KIF26B: variants seen among roughly 807,000 people sequenced by gnomAD.
KIF26B encodes the protein kinesin family member 26B, also known as kinesin-like protein KIF26B.
A neutral mutation model predicts 151.2 loss-of-function variants in KIF26B; 63 were observed. The ratio of observed to expected loss-of-function variants is 0.42; its 90% CI spans 0.34 to 0.51. The LOEUF is 0.51. Among genes scored for constraint, KIF26B ranks in the 20% least tolerant of loss-of-function variants. The pLI is 0.07. For missense variants in KIF26B, 2,813 were observed against 2,913.6 expected (o/e 0.97, Z 0.79); for synonymous variants, 1,357 against 1,262.1 (o/e 1.08, Z -1.59).
At chr1:245,175,981 TATATAGATATAGATATATAG>T (rs1451398602) in intron 2 of KIF26B, among the ~76,000 whole-genome samples, 2 of 148,592 alleles carry the variant, frequency 1.3e-5, no homozygotes, top group Admixed American at 6.7e-5. Flanking sequence ...GACATCTATA[TATATAGATATAGATATATAG>T]ATATAGATAT....
intron 9 of KIF26B, among the ~76,000 whole-genome samples, chr1:245,640,792 G>GA (rs1293390543): frequency 2.6e-5 from 4 of 151,804 alleles, no homozygotes; most frequent in East Asian, 1.9e-4. Context: ...GAAACAAAAA[G>GA]AAAAAAACAC....
intron 4 of KIF26B, among the ~76,000 whole-genome samples, chr1:245,474,257 C>T (rs541143774): frequency 3.3e-5 from 5 of 149,882 alleles, no homozygotes; most frequent in South Asian, 2.2e-4. Context: ...TACAGGTGCC[C>T]GCCACCACAT....
intron 2 of KIF26B, among the ~76,000 whole-genome samples, chr1:245,255,796 GT>G (rs143670085): frequency 0.017 from 2,526 of 152,214 alleles, 62 homozygotes; most frequent in African/African-American, 0.056. Context: ...CATGGAAATT[GT>G]TTTTTTCCCT....
chr1:245,394,981 T>C (rs1093912), intron 3 of KIF26B, among the ~76,000 whole-genome samples: 99,041 of 151,816 alleles, frequency 0.65, 32,297 homozygotes, highest in South Asian at 0.71. Context: ...GACTGAGCCA[T>C]CACGCCCAGC....
At chr1:245,334,260 A>T (rs928164582) in intron 2 of KIF26B, among the ~76,000 whole-genome samples, 2 of 152,128 alleles carry the variant, frequency 1.3e-5, no homozygotes, top group African/African-American at 4.8e-5. Flanking sequence ...AAGCAATCTC[A>T]TAGGTGGCTA....
chr1:245,359,708 C>CCCTT (rs1481455002), intron 2 of KIF26B, among the ~76,000 whole-genome samples: 92 of 149,920 alleles, frequency 6.1e-4, no homozygotes, highest in African/African-American at 2.1e-3. Context: ...CTCCTTCCCT[C>CCCTT]CCTTCCTTCC....
At chr1:245,378,754 A>G (rs1049743912) in intron 3 of KIF26B, among the ~76,000 whole-genome samples, 2 of 152,178 alleles carry the variant, frequency 1.3e-5, no homozygotes, top group African/African-American at 4.8e-5. Context: ...AATCTCACAC[A>G]ATGAGAGGTT....
At chr1:245,217,363 ATTTTT>A (rs10533175) in intron 2 of KIF26B, among the ~76,000 whole-genome samples, 1 of 116,030 alleles carries the variant, frequency 8.6e-6, no homozygotes, top group African/African-American at 2.9e-5. Context: ...TTATTTGTTA[ATTTTT>A]TTTTTTTTTT....
intron 3 of KIF26B, among the ~76,000 whole-genome samples, chr1:245,402,724 G>A (rs1674036417): frequency 6.6e-6 from 1 of 152,130 alleles, no homozygotes; most frequent in African/African-American, 2.4e-5. Context: ...TGCCTTGGAT[G>A]GAAAATCAAC....
At chr1:245,407,839 A>G (rs1674173704) in intron 3 of KIF26B, among the ~76,000 whole-genome samples, 1 of 152,210 alleles carries the variant, frequency 6.6e-6, no homozygotes, top group Non-Finnish European at 1.5e-5. Context: ...TTGACTATTT[A>G]CTTGGGGAGA....
intron 2 of KIF26B, among the ~76,000 whole-genome samples, chr1:245,311,970 G>A (rs1015147498): frequency 1.3e-5 from 2 of 152,210 alleles, no homozygotes; most frequent in Non-Finnish European, 2.9e-5. Context: ...CTCAGAATCA[G>A]CCACGCTGAA....
At chr1:245,423,405 G>A (rs530993255) in intron 4 of KIF26B, among the ~76,000 whole-genome samples, 159 of 151,970 alleles carry the variant, frequency 1.0e-3, no homozygotes, top group African/African-American at 3.5e-3. Context: ...ATCCATCCTC[G>A]TTTCCTCTCA....
In KIF26B at chr1:245,698,965, G is replaced by C. The variant is rs200981354; in HGVS notation, c.6106G>C (p.Glu2036Gln). The change falls in exon 14 of 15, where the codon GAG (glutamate) becomes CAG (glutamine). Residue 2036 changes from glutamate to glutamine, a missense_variant. Transcript: ENST00000407071. This position sits in a 1 kb window ranked among gnomAD's most constrained non-coding sequence, Gnocchi z 4.0. ...QRIAEVRAKY[E>Q]WLMKELEATK... is the part of the protein sequence containing the mutation. ...GATCGCCGAGGTCCGCGCGAAGTAC[G>C]AGTGGCTGATGAAGGAGCTGGAGGC... 5.6e-6 allele frequency: 9 copies of C among 1,614,052 alleles called. No homozygotes were observed. Among genetic ancestry groups the C allele is most frequent in the Non-Finnish European group, 6.8e-6 (8 of 1,179,902 alleles).
chr1:245,182,777 A>C (rs1668930528), intron 2 of KIF26B, among the ~76,000 whole-genome samples: 1 of 152,156 alleles, frequency 6.6e-6, no homozygotes, highest in Non-Finnish European at 1.5e-5. Context: ...CTGGGATTAC[A>C]GGCACGTGCC....
chr1:245,443,552 G>T (rs1572064058), intron 4 of KIF26B, among the ~76,000 whole-genome samples: 1 of 107,594 alleles, frequency 9.3e-6, no homozygotes, highest in Non-Finnish European at 2.0e-5. Context: ...CACCTAGAGT[G>T]GTCATCTCCC....
At position 245,203,407 on chromosome 1, in the gene KIF26B, C is replaced by T. The variant is rs147039806; in HGVS notation, c.465+46724C>T. 9.2e-5 allele frequency among the ~76,000 whole-genome samples: 14 copies of T among 152,290 alleles called. No homozygotes were observed. In the East Asian group the frequency reaches 2.7e-3, roughly 29 times the overall value. ...TACACATCACTTTCTCCTTCTCCTA[C>T]TTTTCCCATAGGTTTTCATTCAACA... is the stretch of plus-strand genomic sequence containing the variant. On this transcript the variant is annotated intron_variant, in intron 2 of 14. Transcript: ENST00000407071.
chr1:245,217,690 A>C (rs1202160761), intron 2 of KIF26B, among the ~76,000 whole-genome samples: 1 of 152,060 alleles, frequency 6.6e-6, no homozygotes, highest in African/African-American at 2.4e-5. Flanking sequence ...TTTTAATATC[A>C]CGACACACAT....
rs959917071 is a variant in KIF26B at position 245,708,861 on chromosome 1, C to T, written c.*6255C>T. 1 of 152,048 alleles carries T rather than the reference C, an allele frequency of 6.6e-6. No individual in the cohort carries two copies. Among genetic ancestry groups the T allele is most frequent in the African/African-American group, 2.4e-5 (1 of 41,376 alleles). 9.4% of individuals were successfully genotyped at this position (152,048 alleles called of 1,614,324 possible). On this transcript the variant is annotated 3_prime_UTR_variant, in exon 15 of 15. Coordinates refer to ENST00000407071, the MANE Select transcript of KIF26B (RefSeq NM_018012.4). ...AATATGCTTATCTGTAGAAATGGGC[C>T]CATTTGAAAAGTGGAGACAAGGTCT... is the stretch of plus-strand genomic sequence containing the variant.
chr1:245,299,794 A>G (rs1300485162), intron 2 of KIF26B, among the ~76,000 whole-genome samples: 1 of 152,192 alleles, frequency 6.6e-6, no homozygotes, highest in Non-Finnish European at 1.5e-5. Flanking sequence ...AGTAAATAAT[A>G]TCAGCAATAG....
Sources: allele counts gnomAD v4.1 joint callset (sites outside exome capture counted in the v4.1 genomes callset), GRCh38; gene constraint gnomAD v4.1.1; non-coding constraint Gnocchi (gnomAD v3.1); transcripts MANE v1.5; gene names NCBI Gene and HGNC (gene_info 2026-07-23, HGNC 2026-07-21).